The following MYZAP variants were observed in gnomAD, a reference collection of about 807,000 sequenced individuals.
MYZAP encodes myocardial zonula adherens protein, also known as GRINL1A complex locus upstream.
A neutral mutation model predicts 69.4 loss-of-function variants in MYZAP; 66 were observed. The ratio of observed to expected loss-of-function variants is 0.95; its 90% confidence interval spans 0.78 to 1.17. The LOEUF (loss-of-function observed/expected upper bound fraction) is 1.17, where lower values mean the gene tolerates loss of function less well. MYZAP is among the 50% of genes most tolerant of loss of function. The probability of loss-of-function intolerance (pLI) is 0.00; values close to 1 mark genes in which losing one functional copy is unlikely to be tolerated. For synonymous variants in MYZAP, 256 were observed against 205.9 expected, an observed-to-expected ratio of 1.24 and a Z score of -2.09; for missense variants, 611 against 556.2, an observed-to-expected ratio of 1.10 and a Z score of -0.99.
intron 5 of MYZAP, 60 bp downstream of exon 5, chr15:57,625,952 G>A: frequency 1.4e-6 from 2 of 1,465,538 alleles, no homozygotes; most frequent in Non-Finnish European, 1.9e-6. Context: ...TGGGGACTGT[G>A]CCTTTGCAGA....
intron 6 of MYZAP, among the ~76,000 whole-genome samples, chr15:57,631,432 C>A (rs1030371190): frequency 3.4e-5 from 5 of 148,628 alleles, no homozygotes; most frequent in African/African-American, 1.3e-4. Context: ...AAAAAGGTTT[C>A]TCCTACTCCT....
intron 1 of MYZAP, among the ~76,000 whole-genome samples, chr15:57,596,545 G>C (rs1439173292): frequency 6.6e-6 from 1 of 152,148 alleles, no homozygotes; most frequent in Non-Finnish European, 1.5e-5. Context: ...GTTCCTAAGT[G>C]TCAACCACAC....
intron 1 of MYZAP, among the ~76,000 whole-genome samples, chr15:57,593,188 G>GCATGCGCGCGCGCGCGCGCGCACACA: frequency 2.6e-5 from 3 of 114,200 alleles, no homozygotes; most frequent in Middle Eastern, 4.6e-3. Flanking sequence ...GTACACAGGC[G>GCATGCGCGCGCGCGCGCGCGCACACA]CACACACACA....
chr15:57,651,330 A>G (rs1384253232), intron 10 of MYZAP, among the ~76,000 whole-genome samples: 2 of 152,214 alleles, frequency 1.3e-5, no homozygotes, highest in African/African-American at 4.8e-5. Context: ...AACTGAATTC[A>G]TCGAGAAAAG....
intron 10 of MYZAP, chr15:57,646,510 A>G: frequency 2.9e-6 from 3 of 1,030,090 alleles, no homozygotes; most frequent in Non-Finnish European, 3.5e-6. Flanking sequence ...AAAACCATTC[A>G]GAAAGATCCA....
chr15:57,674,940 T>C (rs1303325552), intron 11 of MYZAP, 28 bp from the exon 12 acceptor site: 2 of 1,592,162 alleles, frequency 1.3e-6, no homozygotes, highest in Non-Finnish European at 1.7e-6. Flanking sequence ...TTTGACTTAC[T>C]GAAAGTACCT....
intron 9 of MYZAP, 38 bp downstream of exon 9, chr15:57,637,812 G>T (rs375528014): frequency 1.7e-5 from 27 of 1,577,090 alleles, no homozygotes; most frequent in Non-Finnish European, 2.3e-5. Flanking sequence ...ATGGATTTAG[G>T]TTGTGGACAC....
chr15:57,593,190 A>ATGCGCGCGTGCGCG (rs376306761), intron 1 of MYZAP, among the ~76,000 whole-genome samples: 5 of 108,332 alleles, frequency 4.6e-5, no homozygotes, highest in Admixed American at 1.0e-4. Flanking sequence ...ACACAGGCGC[A>ATGCGCGCGTGCGCG]CACACACACA....
At position 57,669,482 on chromosome 15, in the gene MYZAP, C is replaced by G. The variant is rs543591722; in HGVS notation, c.1204-5486C>G. Reference sequence around the variant, plus strand: ...CTGATATTATTTGTACCCTCTTTCTCTCCCTATCTTATCCACTCTGTGTCT... The same window carrying G: ...CTGATATTATTTGTACCCTCTTTCTGTCCCTATCTTATCCACTCTGTGTCT... On this transcript the variant is annotated intron_variant, in intron 11 of 12. Transcript: ENST00000267853. 2.2e-4 allele frequency among the ~76,000 whole-genome samples: 34 copies of G among 152,240 alleles called. No homozygotes were observed. In the South Asian group the frequency reaches 7.0e-3, roughly 32 times the overall value.
chr15:57,607,059 T>C, intron 2 of MYZAP, among the ~76,000 whole-genome samples: 1 of 152,222 alleles, frequency 6.6e-6, no homozygotes, highest in Non-Finnish European at 1.5e-5. Flanking sequence ...TTAGAGCTAA[T>C]GGCTTGGTCC....
At chr15:57,595,723 C>T (rs1010876708) in intron 1 of MYZAP, among the ~76,000 whole-genome samples, 1 of 152,156 alleles carries the variant, frequency 6.6e-6, no homozygotes, top group African/African-American at 2.4e-5. Context: ...AGACTGTTGG[C>T]TGGTGTTGCT....
At position 57,639,552 on chromosome 15, in the gene MYZAP, AT is replaced by A. The variant is rs774186080; in HGVS notation, c.1119+8del. 1.9e-6 allele frequency: 3 copies of A among 1,612,930 alleles called. No individual in the cohort carries two copies. Among genetic ancestry groups the A allele is most frequent in the Admixed American group, 3.3e-5 (2 of 59,946 alleles). On this transcript the variant is annotated splice_region_variant and intron_variant, in intron 10 of 12. Coordinates refer to ENST00000267853, the MANE Select transcript of MYZAP (RefSeq NM_001018100.5). The stretch of plus-strand genomic sequence containing the variant: ...CAAGCAGATGGTCGAGGAGGTAAGC[AT>A]CTGCAAAAGGTCACAGGCCTGGGAT...
chr15:57,647,231 C>A (rs1312362480), intron 10 of MYZAP: 1 of 985,296 alleles, frequency 1.0e-6, no homozygotes, highest in Non-Finnish European at 1.2e-6. Context: ...CAGATGAATA[C>A]TTTTCCGCAT....
chr15:57,617,263 A>T (rs572456009), intron 2 of MYZAP, among the ~76,000 whole-genome samples: 1 of 152,314 alleles, frequency 6.6e-6, no homozygotes, highest in South Asian at 2.1e-4. Flanking sequence ...GTGAACATTA[A>T]ATGTGATTAG....
At chr15:57,609,197 T>C (rs2140351020) in intron 2 of MYZAP, among the ~76,000 whole-genome samples, 1 of 152,324 alleles carries the variant, frequency 6.6e-6, no homozygotes, top group Non-Finnish European at 1.5e-5. Flanking sequence ...GCCTTGCACA[T>C]AGTAGGTGCT....
chr15:57,641,008 G>A (rs1161870712), intron 10 of MYZAP, among the ~76,000 whole-genome samples: 1 of 152,128 alleles, frequency 6.6e-6, no homozygotes, highest in Non-Finnish European at 1.5e-5. Context: ...TGGCCGTCGG[G>A]GCATAGTTTT....
intron 3 of MYZAP, among the ~76,000 whole-genome samples, chr15:57,620,042 G>A (rs1317272506): frequency 2.6e-5 from 4 of 152,156 alleles, no homozygotes; most frequent in Non-Finnish European, 5.9e-5. Context: ...GGGACATGCA[G>A]CTCAAGATTC....
chr15:57,644,244 A>G (rs776194984), intron 10 of MYZAP, among the ~76,000 whole-genome samples: 4 of 152,126 alleles, frequency 2.6e-5, no homozygotes, highest in Non-Finnish European at 5.9e-5. Flanking sequence ...AGAAGCTCCT[A>G]TGCCTGAGGT....
intron 7 of MYZAP, 86 bp downstream of exon 7, chr15:57,632,645 C>A: frequency 6.4e-7 from 1 of 1,557,136 alleles, no homozygotes. Flanking sequence ...AGTGTTTATT[C>A]TTAGAGGTGG....
Sources: gnomAD v4.1 joint callset for allele counts (sites outside exome capture counted in the v4.1 genomes callset) on GRCh38, gnomAD v4.1.1 for gene constraint, MANE v1.5 for transcripts, NCBI Gene and HGNC (gene_info 2026-07-23, HGNC 2026-07-21) for gene names.